The following MME variants were observed in gnomAD, a reference collection of about 807,000 sequenced individuals.
The protein encoded by MME is neprilysin.
Under a neutral mutation model 113.2 loss-of-function variants are expected in MME, and 98 were observed. The ratio of observed to expected loss-of-function variants is 0.87; its 90% CI spans 0.74 to 1.02. MME has a LOEUF of 1.02. Ranked by LOEUF, MME falls within the 50% of genes least tolerant of loss-of-function variation. MME has a pLI of 0.00. For synonymous variants in MME, 292 were observed against 300.6 expected, an observed-to-expected ratio of 0.97 and a Z score of 0.30; for missense variants, 836 against 896.0, an observed-to-expected ratio of 0.93 and a Z score of 0.86.
rs1260113232 is a variant in MME, at chr3:155,090,485, A to C, written c.196+5391A>C. On this transcript the variant is annotated intron_variant, in intron 3 of 22. Transcript: ENST00000360490. ...CAAAGATTAATAACAATAATTAATAAAAAATAAAACGATTATAATATTATT... is the reference window on the plus strand; with the variant it reads ...CAAAGATTAATAACAATAATTAATACAAAATAAAACGATTATAATATTATT... The C allele has an allele frequency of 2.0e-5, 3 of 152,210 alleles. No homozygotes were observed. In the East Asian group the frequency reaches 5.8e-4, roughly 29 times the overall value. The allele number at this position is 152,210 out of a possible 1,614,324, so 9.4% of individuals were successfully genotyped here. A position where few individuals can be genotyped will look rare whatever the true frequency, so the allele number is the denominator to read the frequency against.
chr3:155,041,610 A>G (rs886373513), intron 1 of MME, among the ~76,000 whole-genome samples: 3 of 152,124 alleles, frequency 2.0e-5, no homozygotes, highest in Non-Finnish European at 4.4e-5. Flanking sequence ...GGTGGTTCAT[A>G]TTTTCTTGCA....
chr3:155,114,948 A>G, intron 3 of MME, 46 bp from the exon 4 acceptor site: 2 of 1,601,978 alleles, frequency 1.2e-6, no homozygotes, highest in Non-Finnish European at 1.7e-6. Flanking sequence ...AAGCCTCTTA[A>G]GAAATAAACC....
At chr3:155,125,751 A>G (rs1719600360) in intron 8 of MME, among the ~76,000 whole-genome samples, 1 of 151,848 alleles carries the variant, frequency 6.6e-6, no homozygotes, top group African/African-American at 2.4e-5. Flanking sequence ...GAGCCACCAC[A>G]CCTGGCCCAT....
intron 1 of MME, among the ~76,000 whole-genome samples, chr3:155,057,937 T>C (rs1233782641): frequency 6.6e-6 from 1 of 152,176 alleles, no homozygotes; most frequent in Non-Finnish European, 1.5e-5. Flanking sequence ...GTACATCTTA[T>C]AGTTGTTGTT....
chr3:155,133,062 A>AAAAATATATATATATATATATATATATAT (rs1553762419), intron 8 of MME, among the ~76,000 whole-genome samples: 4 of 75,058 alleles, frequency 5.3e-5, no homozygotes, highest in Admixed American at 3.7e-4. Flanking sequence ...AAAAAAAAAA[A>AAAAATATATATATATATATATATATATAT]ATATATATAT....
At chr3:155,108,900 T>A (rs1294742133) in intron 3 of MME, among the ~76,000 whole-genome samples, 2 of 152,142 alleles carry the variant, frequency 1.3e-5, no homozygotes, top group African/African-American at 4.8e-5. Flanking sequence ...GGCATCCAGA[T>A]AAGAAAGGGG....
chr3:155,161,804 G>A (rs1722743062), intron 17 of MME, among the ~76,000 whole-genome samples: 2 of 152,118 alleles, frequency 1.3e-5, no homozygotes, highest in African/African-American at 2.4e-5. Context: ...CTAAGCTAAT[G>A]CTTTCTGGCT....
chr3:155,104,982 C>T (rs1717568861), intron 3 of MME, among the ~76,000 whole-genome samples: 1 of 152,046 alleles, frequency 6.6e-6, no homozygotes, highest in Admixed American at 6.6e-5. Context: ...TTTAACTTAA[C>T]TGTAACACAG....
At chr3:155,044,991 T>C (rs1713502432) in intron 1 of MME, among the ~76,000 whole-genome samples, 1 of 152,052 alleles carries the variant, frequency 6.6e-6, no homozygotes, top group African/African-American at 2.4e-5. Context: ...CTCAAATATG[T>C]AGTTGAAAGC....
At chr3:155,037,169 A>C (rs1179420308) in intron 1 of MME, among the ~76,000 whole-genome samples, 6 of 152,164 alleles carry the variant, frequency 3.9e-5, no homozygotes, top group Admixed American at 3.9e-4. Flanking sequence ...AGTGGCAATG[A>C]CTTATTGTTT....
chr3:155,170,393 C>A (rs1711794870), intron 20 of MME, among the ~76,000 whole-genome samples: 1 of 152,104 alleles, frequency 6.6e-6, no homozygotes, highest in Non-Finnish European at 1.5e-5. Flanking sequence ...TGTAAATATT[C>A]TTGAGCTTTA....
rs535778799 is a variant in MME at position 155,112,079 on chromosome 3, T to C, written c.197-2915T>C. On this transcript the variant is annotated intron_variant, in intron 3 of 22. Coordinates refer to ENST00000360490, the MANE Select transcript of MME (RefSeq NM_007289.4). ...TTAGATCAGTTTCCTAGTCTTTAAC[T>C]GAGGTGTTAAAGTTGGAGTTTTTAC... Among the ~76,000 whole-genome samples the C allele has an allele frequency of 2.5e-4, 38 of 152,304 alleles. 1 individual carries two copies. The South Asian group carries it at 7.7e-3, about 31-fold the overall frequency.
intron 8 of MME, among the ~76,000 whole-genome samples, chr3:155,125,444 CTTTTTTTTTTTTTT>C (rs1165027340): frequency 4.6e-5 from 3 of 65,332 alleles, no homozygotes; most frequent in African/African-American, 1.9e-4. Context: ...GCTCCTCCTC[CTTTTTTTTTTTTTT>C]TTTTTTTTTT....
At chr3:155,105,475 T>C (rs573428020) in intron 3 of MME, among the ~76,000 whole-genome samples, 7 of 152,302 alleles carry the variant, frequency 4.6e-5, no homozygotes, top group Non-Finnish European at 7.4e-5. Context: ...TAAATTTACA[T>C]TGGTGACGTT....
At position 155,063,480 on chromosome 3, in the gene MME, A is replaced by ATT. The variant is rs1416781200; in HGVS notation, c.-10-20675_-10-20674dup. On this transcript the variant is annotated intron_variant, in intron 1 of 22. Transcript: ENST00000492661. ...TTTATTTAATAAATATATTTTTATT[A>ATT]TTTTATATATATATATTTAAATATA... 5.6e-5 allele frequency among the ~76,000 whole-genome samples: 6 copies of ATT among 107,158 alleles called. No homozygotes were observed. In the Admixed American group the frequency reaches 5.8e-4, roughly 10 times the overall value. 70.3% of individuals were successfully genotyped at this position (107,158 alleles called of 152,430 possible).
chr3:155,176,899 C>T (rs903918394), intron 22 of MME, among the ~76,000 whole-genome samples: 1 of 151,836 alleles, frequency 6.6e-6, no homozygotes, highest in Non-Finnish European at 1.5e-5. Flanking sequence ...TAAGTGAAGC[C>T]CTAGTGTGTT....
At chr3:155,137,579 G>T (rs1160066166) in intron 8 of MME, among the ~76,000 whole-genome samples, 1 of 151,964 alleles carries the variant, frequency 6.6e-6, no homozygotes, top group Non-Finnish European at 1.5e-5. Context: ...GGTGGTGGGC[G>T]CCTGTACTCC....
rs2108255486 is a variant in MME, at chr3:155,116,532, G to A, written c.412G>A (p.Ala138Thr). Residue 138 changes from alanine to threonine, a missense_variant, in exon 5 of 23, where the codon GCA becomes ACA. By Grantham distance (58) the Ala-to-Thr change is moderately conservative. Coordinates refer to ENST00000360490, the MANE Select transcript of MME (RefSeq NM_007289.4). ...TATAGTAGCAGTGCAGAAAGCAAAA[G>A]CATTGTACAGGTCTTGTATAAATGA... is the stretch of plus-strand genomic sequence containing the variant. ...EDIVAVQKAK[A>T]LYRSCINESA... is the part of the protein sequence containing the mutation. The A allele has an allele frequency of 6.2e-7, 1 of 1,612,132 alleles. No homozygotes were observed. Among genetic ancestry groups the A allele is most frequent in the Non-Finnish European group, 8.5e-7 (1 of 1,178,764 alleles).
chr3:155,142,198 C>T, intron 11 of MME, 39 bp from the exon 12 acceptor site: 4 of 1,612,776 alleles, frequency 2.5e-6, no homozygotes, highest in Non-Finnish European at 1.7e-6. Context: ...TTTGCAGCCT[C>T]ATCTTTTCTG....
Sources: gnomAD v4.1 joint callset for allele counts (sites outside exome capture counted in the v4.1 genomes callset) on GRCh38, gnomAD v4.1.1 for gene constraint, MANE v1.5 for transcripts, NCBI Gene and HGNC (gene_info 2026-07-23, HGNC 2026-07-21) for gene names.